The following TLN2 variants were observed in gnomAD, a reference collection of about 807,000 sequenced individuals.
TLN2 encodes talin-2.
TLN2 carries 118 observed loss-of-function variants against 294.7 expected under a neutral mutation model. The observed-to-expected ratio is 0.40, with a 90% CI of 0.34 to 0.47. TLN2 has a LOEUF of 0.47. Among genes scored for constraint, TLN2 ranks in the 20% least tolerant of loss-of-function variants. The pLI, the probability that TLN2 is intolerant of heterozygous loss-of-function variation, is 0.84. For synonymous variants in TLN2, 1,431 were observed against 1,304.5 expected, an observed-to-expected ratio of 1.10 and a Z score of -2.09; for missense variants, 3,083 against 3,282.2, an observed-to-expected ratio of 0.94 and a Z score of 1.48.
At position 62,792,792 on chromosome 15, in the gene TLN2, G is replaced by A. The variant is rs200758174; in HGVS notation, c.5883+5G>A. 1.5e-5 allele frequency: 24 copies of A among 1,613,910 alleles called. No homozygotes were observed. The East Asian group carries it at 4.9e-4, about 33-fold the overall frequency. Reference sequence around the variant, plus strand: ...GCCCGTGCCGTCACGGAAAAGGTAAGGAGCAGCCCTCAGTTTAGAGTCACA... The same window carrying A: ...GCCCGTGCCGTCACGGAAAAGGTAAAGAGCAGCCCTCAGTTTAGAGTCACA... On this transcript the variant is annotated splice_donor_5th_base_variant and intron_variant, in intron 46 of 58. Coordinates refer to ENST00000636159, the MANE Select transcript of TLN2 (RefSeq NM_015059.3).
At chr15:62,528,388 C>T (rs1030160698) in intron 1 of TLN2, among the ~76,000 whole-genome samples, 1 of 125,828 alleles carries the variant, frequency 7.9e-6, no homozygotes, top group African/African-American at 3.1e-5. Context: ...CAAGGAGAAG[C>T]AAGAGGAAGG....
chr15:62,766,864 G>A (rs898549551), intron 41 of TLN2, among the ~76,000 whole-genome samples: 1 of 152,152 alleles, frequency 6.6e-6, no homozygotes, highest in African/African-American at 2.4e-5. Context: ...TAGACATAAT[G>A]AGGCAAAGCA....
At chr15:62,676,353 A>G (rs2056186418) in intron 11 of TLN2, among the ~76,000 whole-genome samples, 1 of 152,176 alleles carries the variant, frequency 6.6e-6, no homozygotes, top group Non-Finnish European at 1.5e-5. Flanking sequence ...TTTACATCCA[A>G]AATCGCTGGG....
intron 43 of TLN2, among the ~76,000 whole-genome samples, chr15:62,777,123 A>G (rs2063770963): frequency 6.6e-6 from 1 of 152,324 alleles, no homozygotes; most frequent in South Asian, 2.1e-4. Flanking sequence ...CTAATTTTAC[A>G]TGAAAGAAAA....
At chr15:62,476,130 C>T (rs1164387499) in intron 1 of TLN2, among the ~76,000 whole-genome samples, 1 of 152,130 alleles carries the variant, frequency 6.6e-6, no homozygotes, top group African/African-American at 2.4e-5. Context: ...TGTGGGCTGG[C>T]ACCAAAACTG....
At chr15:62,738,954 T>C (rs568047384) in intron 30 of TLN2, among the ~76,000 whole-genome samples, 1 of 152,336 alleles carries the variant, frequency 6.6e-6, no homozygotes, top group South Asian at 2.1e-4. Context: ...TTTGAGAGCA[T>C]CTGCCTTTTA....
rs1035135479 is a variant in TLN2 at position 62,763,755 on chromosome 15, A to G, written c.5094+60A>G. ...TCTAGATATGTTGAAAAACCTTAGC[A>G]TCAGACTTGGAGGGGTAGAGGTTGT... is the stretch of plus-strand genomic sequence containing the variant. On this transcript the variant is annotated intron_variant, in intron 40 of 58. Coordinates refer to ENST00000636159, the MANE Select transcript of TLN2 (RefSeq NM_015059.3). 2.3e-5 allele frequency: 35 copies of G among 1,497,702 alleles called. No homozygotes were observed. The Middle Eastern group carries it at 5.2e-4, about 22-fold the overall frequency. The allele number at this position is 1,497,702 out of a possible 1,614,324, so 92.8% of individuals were successfully genotyped here.
intron 1 of TLN2, among the ~76,000 whole-genome samples, chr15:62,434,693 A>G (rs897906924): frequency 2.0e-5 from 3 of 152,206 alleles, no homozygotes; most frequent in Non-Finnish European, 4.4e-5. Context: ...CAGACTGCCT[A>G]TATTTGCCAG....
intron 1 of TLN2, among the ~76,000 whole-genome samples, chr15:62,581,688 C>T (rs1281826789): frequency 3.3e-5 from 5 of 152,090 alleles, no homozygotes; most frequent in Non-Finnish European, 7.4e-5. Context: ...GTGTATTTCC[C>T]TAGTTGACAA....
chr15:62,809,994 A>G lies in TLN2; in HGVS notation c.6733A>G (p.Thr2245Ala). 2.5e-6 allele frequency: 4 copies of G among 1,613,356 alleles called. No homozygotes were observed. Among genetic ancestry groups the G allele is most frequent in the Non-Finnish European group, 3.4e-6 (4 of 1,179,888 alleles). ...AGCCTTGCGTTTCGGGACGGAGTGC[A>G]CCCTTGGCTACTTGGACCTCCTGGA... is the stretch of plus-strand genomic sequence containing the variant. ...TRALRFGTECTLGYLDLLEHV... is the reference protein window; with the variant it reads ...TRALRFGTECALGYLDLLEHV... Residue 2245 changes from threonine (T) to alanine (A), a missense_variant, in exon 52 of 59, where the codon ACC (threonine) becomes GCC (alanine). Transcript: ENST00000636159.
chr15:62,683,796 G>T (rs1359756158), intron 11 of TLN2, among the ~76,000 whole-genome samples: 2 of 152,198 alleles, frequency 1.3e-5, no homozygotes, highest in African/African-American at 4.8e-5. Flanking sequence ...AAGCTGGTCT[G>T]TGTAGTTGAA....
chr15:62,417,705 G>T (rs890576142), intron 1 of TLN2, among the ~76,000 whole-genome samples: 1 of 152,196 alleles, frequency 6.6e-6, no homozygotes, highest in Non-Finnish European at 1.5e-5. Context: ...TACAGGCTCT[G>T]GTGGTAGAGA....
chr15:62,668,836 G>C (rs74944899), intron 9 of TLN2, among the ~76,000 whole-genome samples: 3,749 of 152,302 alleles, frequency 0.025, 77 homozygotes, highest in South Asian at 0.05. Flanking sequence ...AATGGCAGCT[G>C]TTTTAATTGT....
chr15:62,512,848 C>T (rs2039999556), intron 1 of TLN2, among the ~76,000 whole-genome samples: 1 of 152,162 alleles, frequency 6.6e-6, no homozygotes, highest in Admixed American at 6.5e-5. Flanking sequence ...TCAAGACTTC[C>T]CTCTCCTGTT....
intron 51 of TLN2, among the ~76,000 whole-genome samples, chr15:62,806,359 T>G (rs1794225315): frequency 6.6e-6 from 1 of 151,926 alleles, no homozygotes; most frequent in African/African-American, 2.4e-5. Context: ...TCTTGCAGAG[T>G]GTGGTGGAGG....
intron 2 of TLN2, among the ~76,000 whole-genome samples, chr15:62,599,040 A>G (rs1251719278): frequency 6.6e-6 from 1 of 152,150 alleles, no homozygotes; most frequent in South Asian, 2.1e-4. Flanking sequence ...GTGGCTGTGG[A>G]TGGAGTTCCT....
chr15:62,618,143 G>A (rs1425677462), intron 2 of TLN2, among the ~76,000 whole-genome samples: 1 of 151,814 alleles, frequency 6.6e-6, no homozygotes, highest in Admixed American at 6.6e-5. Context: ...TTCAATAACA[G>A]CCAGGTGGAT....
At chr15:62,729,622 T>C (rs2060612050) in intron 28 of TLN2, among the ~76,000 whole-genome samples, 1 of 152,258 alleles carries the variant, frequency 6.6e-6, no homozygotes, top group African/African-American at 2.4e-5. Context: ...TTCTTCATGC[T>C]TATATTTAAT....
intron 1 of TLN2, among the ~76,000 whole-genome samples, chr15:62,534,886 G>T (rs1388832064): frequency 6.6e-6 from 1 of 152,186 alleles, no homozygotes; most frequent in Non-Finnish European, 1.5e-5. Flanking sequence ...AGTTGCCTCT[G>T]TTCTTTCTGC....
Sources: allele counts gnomAD v4.1 joint callset (sites outside exome capture counted in the v4.1 genomes callset), GRCh38; gene constraint gnomAD v4.1.1; transcripts MANE v1.5; gene names NCBI Gene and HGNC (gene_info 2026-07-23, HGNC 2026-07-21).